NLRP5: variants seen among roughly 807,000 people sequenced by gnomAD.
NLRP5 encodes the protein NACHT, LRR and PYD domains-containing protein 5.
A neutral mutation model predicts 113.1 loss-of-function variants in NLRP5; 93 were observed. The observed-to-expected ratio is 0.82, with a 90% confidence interval of 0.70 to 0.98. The LOEUF (loss-of-function observed/expected upper bound fraction) is 0.98, where lower values mean the gene tolerates loss of function less well. Ranked by LOEUF, NLRP5 falls within the 50% of genes least tolerant of loss-of-function variation. The probability of loss-of-function intolerance (pLI) is 0.00; values close to 1 mark genes in which losing one functional copy is unlikely to be tolerated. For synonymous variants in NLRP5, 751 were observed against 600.7 expected, an observed-to-expected ratio of 1.25 and a Z score of -3.66; for missense variants, 1,808 against 1,514.3, an observed-to-expected ratio of 1.19 and a Z score of -3.22.
intron 7 of NLRP5, among the ~76,000 whole-genome samples, chr19:56,031,003 C>T (rs900269173): frequency 7.2e-5 from 11 of 151,818 alleles, no homozygotes; most frequent in African/African-American, 2.2e-4. Flanking sequence ...TGAGCGACTG[C>T]GCCCGGCCTC....
chr19:55,992,627 G>C, the NLRP5 span, among the ~76,000 whole-genome samples: 1 of 152,060 alleles, frequency 6.6e-6, no homozygotes, highest in Non-Finnish European at 1.5e-5. Context: ...TGTAAATAAA[G>C]ATTTATTGGA....
intron 3 of NLRP5, among the ~76,000 whole-genome samples, chr19:56,014,036 T>G (rs886124690): frequency 3.9e-5 from 6 of 152,216 alleles, no homozygotes; most frequent in South Asian, 2.1e-4. Context: ...TCATCTAGAT[T>G]ATGTAGAGAC....
intron 6 of NLRP5, among the ~76,000 whole-genome samples, chr19:56,026,081 T>C (rs1160761937): frequency 6.6e-6 from 1 of 152,048 alleles, no homozygotes; most frequent in Non-Finnish European, 1.5e-5. Flanking sequence ...TTGTAGATTG[T>C]TAAGAAGCTT....
At chr19:56,015,045 G>A (rs1293354130) in intron 3 of NLRP5, among the ~76,000 whole-genome samples, 1 of 152,204 alleles carries the variant, frequency 6.6e-6, no homozygotes, top group Non-Finnish European at 1.5e-5. Context: ...TGGACACAAG[G>A]TGGTCTTTCC....
At chr19:56,030,765 A>G (rs565408990) in intron 7 of NLRP5, among the ~76,000 whole-genome samples, 1 of 114,594 alleles carries the variant, frequency 8.7e-6, no homozygotes, top group Non-Finnish European at 1.6e-5. Flanking sequence ...CCCAGGCTGG[A>G]GTGCAGTGGT....
chr19:56,027,874 CG>C lies in NLRP5; in HGVS notation c.1643del (p.Gly548ValfsTer20). ...TGTGGAATAGGAAGTCAGTGTTTGA[CG>C]GTGACGACCTCATGGTTCAAGGACT... On this transcript the variant is annotated frameshift_variant, in exon 7 of 15. Coordinates refer to ENST00000390649, the MANE Select transcript of NLRP5 (RefSeq NM_153447.4). LOFTEE classifies it high-confidence loss of function. 6.2e-7 allele frequency: 1 copy of C among 1,613,254 alleles called. No homozygotes were observed. Among genetic ancestry groups the C allele is most frequent in the Non-Finnish European group, 8.5e-7 (1 of 1,179,580 alleles).
At position 56,028,242 on chromosome 19, in the gene NLRP5, C is replaced by G. The variant is rs745867332; in HGVS notation, c.2009C>G (p.Ser670Cys). ...AAGCAGAAGCTTCTGCACTGGGTCT[C>G]TCTGTTGGGTCAGCAGCCTAATGCC... Residue 670 changes from serine to cysteine, a missense_variant, in exon 7 of 15, where the codon TCT (serine) becomes TGT (cysteine). Transcript: ENST00000390649. 5.6e-6 allele frequency: 9 copies of G among 1,613,824 alleles called. No homozygotes were observed. In the Admixed American group the frequency reaches 1.2e-4, roughly 21 times the overall value.
At chr19:56,000,970 A>G (rs2123263066) in intron 1 of NLRP5, among the ~76,000 whole-genome samples, 1 of 151,912 alleles carries the variant, frequency 6.6e-6, no homozygotes, top group African/African-American at 2.4e-5. Context: ...TCATGCCACT[A>G]CACTCCAGCC....
intron 13 of NLRP5, among the ~76,000 whole-genome samples, chr19:56,057,920 C>T (rs187836321): frequency 1.9e-4 from 29 of 151,406 alleles, no homozygotes; most frequent in African/African-American, 6.1e-4. Context: ...CCAGCTACTC[C>T]GGAGGCTAAG....
intron 5 of NLRP5, among the ~76,000 whole-genome samples, chr19:56,020,161 C>G (rs1396228917): frequency 2.0e-5 from 3 of 151,860 alleles, no homozygotes. Flanking sequence ...TTGTGCAAGT[C>G]TCTTCAAGGA....
At position 56,033,595 on chromosome 19, in the gene NLRP5, T is replaced by C; in HGVS notation, c.2501T>C (p.Met834Thr). 6.2e-7 allele frequency: 1 copy of C among 1,613,860 alleles called. No homozygotes were observed. Among genetic ancestry groups the C allele is most frequent in the Non-Finnish European group, 8.5e-7 (1 of 1,179,780 alleles). The change falls in exon 9 of 15, where the codon ATG (methionine) becomes ACG (threonine). Residue 834 changes from methionine to threonine, a missense_variant. By Grantham distance (81) the Met-to-Thr change is moderately conservative. Transcript: ENST00000390649. Reference sequence around the variant, plus strand: ...GTGCAGCACCTCTGGAGAATCGTCATGGCCAACCGTAACCTAAGATCCCTC... The same window carrying C: ...GTGCAGCACCTCTGGAGAATCGTCACGGCCAACCGTAACCTAAGATCCCTC...
rs747175758 is a variant in NLRP5, at chr19:56,004,004, T to C, written c.351T>C (p.Tyr117=). ...TGGCACTCCTCTTGCATGAGTATTA[T>C]GGAGCATCGCTGGCCTGGGCTACGT... The change falls in exon 2 of 15, where the codon TAT becomes TAC. Residue 117 remains tyrosine (Y), a synonymous_variant. Coordinates refer to ENST00000390649, the MANE Select transcript of NLRP5 (RefSeq NM_153447.4). 16 of 1,613,892 alleles carry C rather than the reference T, an allele frequency of 9.9e-6. No homozygotes were observed. The East Asian group carries it at 2.5e-4, about 25-fold the overall frequency.
At chr19:56,052,450 A>G (rs1983967755) in intron 12 of NLRP5, among the ~76,000 whole-genome samples, 1 of 151,950 alleles carries the variant, frequency 6.6e-6, no homozygotes, top group Non-Finnish European at 1.5e-5. Context: ...TTGTATTTTT[A>G]GTAGAGACGG....
chr19:56,023,514 C>T (rs573424556), intron 6 of NLRP5, among the ~76,000 whole-genome samples: 1 of 152,330 alleles, frequency 6.6e-6, no homozygotes, highest in African/African-American at 2.4e-5. Flanking sequence ...GAATTTGCTA[C>T]ATGCTGAGCG....
At chr19:56,045,702 A>G (rs1983697995) in intron 11 of NLRP5, among the ~76,000 whole-genome samples, 1 of 152,124 alleles carries the variant, frequency 6.6e-6, no homozygotes, top group Non-Finnish European at 1.5e-5. Flanking sequence ...TTTATCGGTT[A>G]GGGATAAGCA....
At chr19:56,020,794 T>C (rs972458130) in intron 6 of NLRP5, among the ~76,000 whole-genome samples, 6 of 151,650 alleles carry the variant, frequency 4.0e-5, no homozygotes, top group Non-Finnish European at 8.8e-5. Flanking sequence ...TTCTATCAAC[T>C]AATATGTACA....
At chr19:55,990,079 C>CTTTTTTCTTTTTTTTTTTTTTTTT in the NLRP5 span, among the ~76,000 whole-genome samples, 4 of 95,956 alleles carry the variant, frequency 4.2e-5, no homozygotes, top group Non-Finnish European at 6.0e-5. Flanking sequence ...TTTCTTTTTT[C>CTTTTTTCTTTTTTTTTTTTTTTTT]TTTTTTTTTT....
intron 2 of NLRP5, among the ~76,000 whole-genome samples, chr19:56,007,904 CGTGTGTGTGTGTGTGT>C (rs57588214): frequency 3.6e-5 from 4 of 110,142 alleles, no homozygotes; most frequent in Non-Finnish European, 8.1e-5. Flanking sequence ...TGCGCGCGTG[CGTGTGTGTGTGTGTGT>C]GTGTGTGTGT....
intron 11 of NLRP5, among the ~76,000 whole-genome samples, chr19:56,043,000 CATTG>C (rs1237501655): frequency 2.6e-5 from 4 of 152,010 alleles, no homozygotes; most frequent in African/African-American, 7.3e-5. Flanking sequence ...TTTATCCACT[CATTG>C]ATTGATGGGT....
Sources: gnomAD v4.1 joint callset for allele counts (sites outside exome capture counted in the v4.1 genomes callset) on GRCh38, gnomAD v4.1.1 for gene constraint, MANE v1.5 for transcripts, NCBI Gene and HGNC (gene_info 2026-07-23, HGNC 2026-07-21) for gene names.